TENM3: variants seen among roughly 807,000 people sequenced by gnomAD.
TENM3 encodes teneurin transmembrane protein 3, also known as teneurin-3.
TENM3 carries 63 observed loss-of-function variants against 255.1 expected under a neutral mutation model. The ratio of observed to expected loss-of-function variants is 0.25; its 90% CI spans 0.20 to 0.30. The LOEUF (loss-of-function observed/expected upper bound fraction) is 0.30, where lower values mean the gene tolerates loss of function less well. Among genes scored for constraint, TENM3 ranks in the 10% least tolerant of loss-of-function variants. TENM3 has a pLI of 1.00. For synonymous variants in TENM3, 1,306 were observed against 1,322.3 expected, an observed-to-expected ratio of 0.99 and a Z score of 0.27; for missense variants, 2,929 against 3,461.1, an observed-to-expected ratio of 0.85 and a Z score of 3.86.
At chr4:182,003,545 G>C in the TENM3 span, among the ~76,000 whole-genome samples, 1 of 152,048 alleles carries the variant, frequency 6.6e-6, no homozygotes, top group African/African-American at 2.4e-5. Context: ...AGCTTCTCCC[G>C]TAATGATTTG....
At chr4:181,505,536 C>T in the TENM3 span, among the ~76,000 whole-genome samples, 36,947 of 151,812 alleles carry the variant, frequency 0.24, 5,089 homozygotes, top group Non-Finnish European at 0.32. Flanking sequence ...AGTGATACAC[C>T]GCAGCATTAT....
chr4:182,192,243 C>T (rs549064884), intron 1 of TENM3, among the ~76,000 whole-genome samples: 1 of 152,178 alleles, frequency 6.6e-6, no homozygotes, highest in South Asian at 2.1e-4. Context: ...TAGTTTCTAC[C>T]GAGGGTCCAC....
chr4:181,605,593 G>GAAAGA, the TENM3 span, among the ~76,000 whole-genome samples: 105 of 97,266 alleles, frequency 1.1e-3, 7 homozygotes, highest in African/African-American at 3.2e-3. Flanking sequence ...AGGAAAGAAA[G>GAAAGA]AAAGAAAGAA....
the TENM3 span, among the ~76,000 whole-genome samples, chr4:181,496,708 G>C: frequency 1.3e-5 from 2 of 152,194 alleles, no homozygotes; most frequent in Admixed American, 1.3e-4. Flanking sequence ...AATTCATTAA[G>C]ACCAGTGTGA....
At chr4:181,643,547 G>A in the TENM3 span, among the ~76,000 whole-genome samples, 1 of 152,000 alleles carries the variant, frequency 6.6e-6, no homozygotes, top group Non-Finnish European at 1.5e-5. Flanking sequence ...ATGCTAGTTG[G>A]TTGATGGCTC....
At chr4:182,005,341 C>A in the TENM3 span, among the ~76,000 whole-genome samples, 2 of 152,144 alleles carry the variant, frequency 1.3e-5, no homozygotes, top group African/African-American at 4.8e-5. Context: ...TTCTCCATTG[C>A]TTGTTTTTGT....
chr4:182,247,823 TAAAG>T (rs1309965197), intron 1 of TENM3, among the ~76,000 whole-genome samples: 1 of 152,056 alleles, frequency 6.6e-6, no homozygotes, highest in Non-Finnish European at 1.5e-5. Context: ...TTGGGAAAAA[TAAAG>T]AACTGTGAAC....
rs904102083 is a variant in TENM3 at position 182,755,205 on chromosome 4, A to G, written c.4838A>G (p.Asn1613Ser). The G allele has an allele frequency of 6.2e-6, 10 of 1,611,854 alleles. No homozygotes were observed. Among genetic ancestry groups the G allele is most frequent in the Non-Finnish European group, 8.5e-6 (10 of 1,179,850 alleles). The part of the protein sequence containing the change: ...LELVLFTYHG[N>S]SGLLATKSDE... The stretch of plus-strand genomic sequence containing the variant: ...TTAGTTTTGTTTACTTACCATGGCA[A>G]TAGTGGCCTTTTAGCCACTAAAAGT... The change falls in exon 22 of 28, where the codon AAT becomes AGT. Residue 1613 changes from asparagine to serine, a missense_variant. Physicochemically the swap from Asn to Ser is conservative, Grantham distance 46. Around this residue, in one of 6 missense-constraint regions of TENM3, gnomAD observed 1,608 missense variants for 1,884.4 expected, o/e 0.85. Coordinates refer to ENST00000511685, the MANE Select transcript of TENM3 (RefSeq NM_001080477.4).
intron 14 of TENM3, among the ~76,000 whole-genome samples, chr4:182,729,840 C>A (rs1190465065): frequency 7.9e-5 from 12 of 152,150 alleles, no homozygotes; most frequent in Admixed American, 2.0e-4. Context: ...TACTGATTGC[C>A]TCAGAATTAA....
chr4:181,598,388 C>T, the TENM3 span, among the ~76,000 whole-genome samples: 1 of 152,162 alleles, frequency 6.6e-6, no homozygotes, highest in African/African-American at 2.4e-5. Flanking sequence ...TGGTTGACCA[C>T]CTTCCTCAAC....
the TENM3 span, among the ~76,000 whole-genome samples, chr4:181,692,393 T>C: frequency 6.6e-6 from 1 of 152,182 alleles, no homozygotes; most frequent in East Asian, 1.9e-4. Flanking sequence ...ATTACGTGTG[T>C]CATGTTCTAG....
In TENM3 at chr4:182,789,106, A is replaced by G; in HGVS notation, c.5318A>G (p.Asn1773Ser). ...FGRKLRVNGRNLLSVDFDRTT... is the reference protein window; with the variant it reads ...FGRKLRVNGRSLLSVDFDRTT... ...GTGTTGTAACAGGTTAATGGCAGAA[A>G]CCTCCTTTCAGTTGACTTTGATCGA... Residue 1773 changes from asparagine to serine, a missense_variant, in exon 25 of 28, where the codon AAC becomes AGC. This residue lies in a region of TENM3 where 303 missense variants were observed against 425.2 expected (regional missense o/e 0.71). Coordinates refer to ENST00000511685, the MANE Select transcript of TENM3 (RefSeq NM_001080477.4). The surrounding 1 kb of genome is among the most constrained non-coding windows in gnomAD (Gnocchi z 4.4). The G allele has an allele frequency of 6.2e-7, 1 of 1,606,780 alleles. No individual in the cohort carries two copies. Among genetic ancestry groups the G allele is most frequent in the Non-Finnish European group, 8.5e-7 (1 of 1,174,594 alleles).
chr4:182,802,666 T>G lies in TENM3; in HGVS notation c.*2315T>G, dbSNP rs1383165448. 6.6e-6 allele frequency: 1 copy of G among 152,558 alleles called. No homozygotes were observed. Among genetic ancestry groups the G allele is most frequent in the Admixed American group, 6.6e-5 (1 of 15,258 alleles). 9.5% of individuals were successfully genotyped at this position (152,558 alleles called of 1,614,324 possible). On this transcript the variant is annotated 3_prime_UTR_variant, in exon 28 of 28. Coordinates refer to ENST00000511685, the MANE Select transcript of TENM3 (RefSeq NM_001080477.4). ...GATGAAGTCAAATCAACCCAATTAG[T>G]GTCCTGTTAGTAGGTATAATGAGCC... is the stretch of plus-strand genomic sequence containing the variant.
At chr4:182,772,200 ATCATC>A (rs1411298863) in intron 22 of TENM3, among the ~76,000 whole-genome samples, 1 of 149,870 alleles carries the variant, frequency 6.7e-6, no homozygotes, top group Non-Finnish European at 1.5e-5. Flanking sequence ...AAAAACCCCT[ATCATC>A]TCATAAACAA....
the TENM3 span, among the ~76,000 whole-genome samples, chr4:181,612,882 A>T: frequency 1.3e-5 from 2 of 152,210 alleles, no homozygotes; most frequent in South Asian, 2.1e-4. Context: ...CACTATTTTC[A>T]TACCAATTTG....
At chr4:181,762,085 T>C in the TENM3 span, among the ~76,000 whole-genome samples, 10 of 152,152 alleles carry the variant, frequency 6.6e-5, no homozygotes, top group Admixed American at 3.9e-4. Context: ...TCCGTCAATA[T>C]CATAGCTATT....
intron 5 of TENM3, among the ~76,000 whole-genome samples, chr4:182,633,180 C>T (rs1434678288): frequency 6.6e-6 from 1 of 152,170 alleles, no homozygotes; most frequent in Non-Finnish European, 1.5e-5. Flanking sequence ...TGTCCTCTTG[C>T]CTCAGCCTCC....
chr4:182,742,055 A>C (rs1461088528), intron 18 of TENM3, among the ~76,000 whole-genome samples: 1 of 152,236 alleles, frequency 6.6e-6, no homozygotes, highest in African/African-American at 2.4e-5. Flanking sequence ...TAAATAGAAT[A>C]TATGCCGCTC....
the TENM3 span, among the ~76,000 whole-genome samples, chr4:182,051,624 G>A: frequency 6.6e-5 from 10 of 152,078 alleles, no homozygotes; most frequent in South Asian, 2.1e-4. Flanking sequence ...TGATCTGCCC[G>A]CCTCGGGCAA....
Sources: gnomAD v4.1 joint callset for allele counts (sites outside exome capture counted in the v4.1 genomes callset) on GRCh38, gnomAD v4.1.1 for gene constraint, gnomAD v4.1.1 regional missense constraint, Gnocchi (gnomAD v3.1) non-coding constraint, MANE v1.5 for transcripts, NCBI Gene and HGNC (gene_info 2026-07-23, HGNC 2026-07-21) for gene names.